The following UMAD1 variants were observed in gnomAD, a reference collection of about 807,000 sequenced individuals.
UMAD1 encodes UBAP1-MVB12-associated (UMA) domain containing 1.
Under a neutral mutation model 6.1 loss-of-function variants are expected in UMAD1, and 8 were observed. The observed-to-expected ratio is 1.30, with a 90% confidence interval of 0.76 to 2.35. The LOEUF (loss-of-function observed/expected upper bound fraction) is 2.35. UMAD1 is among the 30% of genes most tolerant of loss of function. UMAD1 has a pLI of 0.00. For synonymous variants in UMAD1, 56 were observed against 31.4 expected, an observed-to-expected ratio of 1.78 and a Z score of -2.61; for missense variants, 130 against 78.4, an observed-to-expected ratio of 1.66 and a Z score of -2.49.
intron 2 of UMAD1, among the ~76,000 whole-genome samples, chr7:7,787,562 A>G (rs762419324): frequency 2.0e-5 from 3 of 152,174 alleles, no homozygotes; most frequent in Non-Finnish European, 2.9e-5. Flanking sequence ...CAACTTTTAT[A>G]TTTCATGTTA....
At chr7:7,677,159 A>G (rs1402397675) in intron 2 of UMAD1, among the ~76,000 whole-genome samples, 5 of 152,144 alleles carry the variant, frequency 3.3e-5, no homozygotes, top group Non-Finnish European at 4.4e-5. Flanking sequence ...GGTACATGTG[A>G]TGTTTTGACA....
At chr7:7,664,091 T>C (rs1460008345) in intron 1 of UMAD1, among the ~76,000 whole-genome samples, 5 of 152,240 alleles carry the variant, frequency 3.3e-5, no homozygotes, top group African/African-American at 1.2e-4. Flanking sequence ...GTGAATTTCT[T>C]GCTATTATTT....
chr7:7,769,443 A>C (rs1782058321), intron 2 of UMAD1, among the ~76,000 whole-genome samples: 1 of 152,158 alleles, frequency 6.6e-6, no homozygotes, highest in South Asian at 2.1e-4. Context: ...ATGCTTGATG[A>C]TACCCATTAT....
At chr7:7,821,250 C>T (rs1336520396) in intron 3 of UMAD1, among the ~76,000 whole-genome samples, 2 of 151,954 alleles carry the variant, frequency 1.3e-5, no homozygotes, top group African/African-American at 4.8e-5. Context: ...GGCTATTGAG[C>T]ACTTGAAATG....
intron 2 of UMAD1, among the ~76,000 whole-genome samples, chr7:7,687,891 T>G (rs1780077405): frequency 1.3e-5 from 2 of 152,246 alleles, no homozygotes; most frequent in Admixed American, 1.3e-4. Context: ...ACGACTTATT[T>G]TTATTTCTGG....
chr7:7,773,433 A>G (rs530323080), intron 2 of UMAD1, among the ~76,000 whole-genome samples: 35 of 152,192 alleles, frequency 2.3e-4, no homozygotes, highest in Non-Finnish European at 4.6e-4. Flanking sequence ...TAGGCTGTCA[A>G]TTTACTTTGA....
chr7:7,761,011 A>G (rs74568239), intron 2 of UMAD1, among the ~76,000 whole-genome samples: 9,397 of 152,188 alleles, frequency 0.062, 362 homozygotes, highest in Middle Eastern at 0.12. Flanking sequence ...TGGAAAATAG[A>G]TAGGAAATAC....
chr7:7,757,861 T>A (rs1295356916), intron 2 of UMAD1, among the ~76,000 whole-genome samples: 1 of 152,120 alleles, frequency 6.6e-6, no homozygotes, highest in Non-Finnish European at 1.5e-5. Flanking sequence ...TTGGTTCCAC[T>A]CCCGCCACCA....
At chr7:7,798,811 T>G (rs1782739288) in intron 2 of UMAD1, among the ~76,000 whole-genome samples, 1 of 152,208 alleles carries the variant, frequency 6.6e-6, no homozygotes, top group African/African-American at 2.4e-5. Flanking sequence ...GGCAGGTCAC[T>G]GAGTGCCTCT....
chr7:7,791,302 T>C (rs906292949), intron 2 of UMAD1, among the ~76,000 whole-genome samples: 1 of 152,204 alleles, frequency 6.6e-6, no homozygotes, highest in African/African-American at 2.4e-5. Flanking sequence ...CTGTTGTCAG[T>C]GGAATGCTGA....
intron 3 of UMAD1, among the ~76,000 whole-genome samples, chr7:7,856,193 A>G (rs1336945606): frequency 1.3e-5 from 2 of 152,218 alleles, no homozygotes; most frequent in Non-Finnish European, 2.9e-5. Context: ...ATCTTAAGCT[A>G]TGCCCCACTA....
intron 2 of UMAD1, among the ~76,000 whole-genome samples, chr7:7,792,019 G>A (rs1261361777): frequency 6.6e-6 from 1 of 152,174 alleles, no homozygotes; most frequent in African/African-American, 2.4e-5. Flanking sequence ...CTTAGTGAGT[G>A]TGTATGCAGC....
chr7:7,739,958 A>G (rs922928195), intron 2 of UMAD1, among the ~76,000 whole-genome samples: 2 of 152,248 alleles, frequency 1.3e-5, no homozygotes, highest in African/African-American at 2.4e-5. Context: ...ACCTGTGTCA[A>G]TGGGGAAAAT....
At chr7:7,871,846 CAA>C (rs3075743) in intron 3 of UMAD1, among the ~76,000 whole-genome samples, 11,714 of 145,538 alleles carry the variant, frequency 0.08, 587 homozygotes, top group Admixed American at 0.16. Flanking sequence ...AGAGAATTGT[CAA>C]AAAAAAAAAA....
At chr7:7,737,997 C>T (rs560159939) in intron 2 of UMAD1, among the ~76,000 whole-genome samples, 2 of 152,314 alleles carry the variant, frequency 1.3e-5, no homozygotes, top group East Asian at 1.9e-4. Context: ...CACCTTAAAA[C>T]AGACAGCATA....
chr7:7,722,369 G>A (rs1235206635), intron 2 of UMAD1, among the ~76,000 whole-genome samples: 1 of 151,916 alleles, frequency 6.6e-6, no homozygotes, highest in African/African-American at 2.4e-5. Flanking sequence ...CCAATAATGC[G>A]AAGGACTCTA....
intron 1 of UMAD1, among the ~76,000 whole-genome samples, chr7:7,656,705 C>T (rs891022344): frequency 3.3e-5 from 5 of 152,170 alleles, no homozygotes; most frequent in Non-Finnish European, 1.5e-5. Flanking sequence ...TTTTCTTTAT[C>T]CAGTCTATCA....
At chr7:7,751,883 C>T (rs1008566183) in intron 2 of UMAD1, among the ~76,000 whole-genome samples, 3 of 152,202 alleles carry the variant, frequency 2.0e-5, no homozygotes, top group African/African-American at 7.2e-5. Context: ...CTTTTCTACT[C>T]TGACGGTCCT....
intron 2 of UMAD1, among the ~76,000 whole-genome samples, chr7:7,745,840 C>A (rs1030406854): frequency 6.6e-6 from 1 of 152,158 alleles, no homozygotes; most frequent in Admixed American, 6.5e-5. Flanking sequence ...TCTCTGGGCC[C>A]TGAAAGTTTA....
Sources: gnomAD v4.1 joint callset for allele counts (sites outside exome capture counted in the v4.1 genomes callset) on GRCh38, gnomAD v4.1.1 for gene constraint, MANE v1.5 for transcripts, NCBI Gene and HGNC (gene_info 2026-07-23, HGNC 2026-07-21) for gene names.